The following RBM33 variants were observed in gnomAD, a reference collection of about 807,000 sequenced individuals.
RBM33 encodes the protein RNA-binding protein 33.
In RBM33, 28 loss-of-function variants were observed where a neutral mutation model predicts 132.6. The ratio of observed to expected loss-of-function variants is 0.21; its 90% confidence interval spans 0.16 to 0.29. The LOEUF is 0.29. RBM33 is among the 10% of genes least tolerant of loss of function. The pLI, the probability that RBM33 is intolerant of heterozygous loss-of-function variation, is 1.00. For synonymous variants in RBM33, 634 were observed against 593.0 expected, an observed-to-expected ratio of 1.07 and a Z score of -1.01; for missense variants, 1,291 against 1,518.5, an observed-to-expected ratio of 0.85 and a Z score of 2.49.
At chr7:155,752,554 T>A (rs976259704) in intron 14 of RBM33, among the ~76,000 whole-genome samples, 1 of 148,420 alleles carries the variant, frequency 6.7e-6, no homozygotes, top group South Asian at 2.2e-4. Context: ...CAAATTTTGT[T>A]GAGGTTCTAA....
Position 155,742,091 on chromosome 7 carries a change from A to T in RBM33, c.2322A>T (p.Ala774=), listed in dbSNP as rs766734962. ...ASPVAQPKEE[A]KTETEFPDED... ...CTGTGGCTCAACCTAAAGAAGAGGC[A>T]AAAACAGAAACAGAGGTAGGACACT... is the stretch of plus-strand genomic sequence containing the variant. The change falls in exon 13 of 18, where the codon GCA becomes GCT. Residue 774 remains alanine (A), a synonymous_variant. Coordinates refer to ENST00000401878, the MANE Select transcript of RBM33 (RefSeq NM_053043.3). 1 of 1,612,976 alleles carries T rather than the reference A, an allele frequency of 6.2e-7. No homozygotes were observed. Among genetic ancestry groups the T allele is most frequent in the Non-Finnish European group, 8.5e-7 (1 of 1,179,148 alleles).
chr7:155,653,487 C>A (rs907704696), intron 1 of RBM33, among the ~76,000 whole-genome samples: 1 of 151,634 alleles, frequency 6.6e-6, no homozygotes, highest in Non-Finnish European at 1.5e-5. Context: ...GGGGTGGGGG[C>A]CCTAGATAGC....
At chr7:155,717,613 A>C (rs34052609) in intron 8 of RBM33, among the ~76,000 whole-genome samples, 26,488 of 151,592 alleles carry the variant, frequency 0.17, 2,367 homozygotes, top group East Asian at 0.28. Flanking sequence ...TGTATCTGCC[A>C]GCACATTTTG....
At position 155,718,451 on chromosome 7, in the gene RBM33, G is replaced by A. The variant is rs1417596102; in HGVS notation, c.1260+8G>A. On this transcript the variant is annotated splice_region_variant and intron_variant, in intron 9 of 17. Transcript: ENST00000401878. ...GGACCCCAGAGATTCCCAGTGAGTA[G>A]CAGCTGCTCCTTCTCCTTTGATAGG... 3.1e-6 allele frequency: 5 copies of A among 1,612,570 alleles called. No homozygotes were observed. The highest frequency in any genetic ancestry group is 4.2e-6 in the Non-Finnish European group (5 of 1,178,880).
intron 8 of RBM33, among the ~76,000 whole-genome samples, chr7:155,717,221 A>C (rs1429981082): frequency 6.6e-6 from 1 of 152,202 alleles, no homozygotes; most frequent in East Asian, 1.9e-4. Flanking sequence ...TGAGTTAAAC[A>C]ACAGAAACTT....
chr7:155,680,884 C>G lies in RBM33; in HGVS notation c.543C>G (p.Ile181Met). ...CTGATGAAGTGTTAGACATCGAGATCAATGAACCTTTAGATGAATTTACAG... is the reference window on the plus strand; with the variant it reads ...CTGATGAAGTGTTAGACATCGAGATGAATGAACCTTTAGATGAATTTACAG... ...LYTDEVLDIE[I>M]NEPLDEFTGG... The change falls in exon 5 of 18, where the codon ATC becomes ATG. Residue 181 changes from isoleucine (I) to methionine (M), a missense_variant. Ile to Met is a conservative substitution (Grantham distance 10). Around this residue, in one of 7 missense-constraint regions of RBM33, gnomAD observed 194 missense variants for 249.8 expected, o/e 0.78. Transcript: ENST00000401878. 1 of 1,613,514 alleles carries G rather than the reference C, an allele frequency of 6.2e-7. No homozygotes were observed. The highest frequency in any genetic ancestry group is 8.5e-7 in the Non-Finnish European group (1 of 1,179,648).
chr7:155,758,567 G>A (rs941220178), intron 14 of RBM33, among the ~76,000 whole-genome samples: 8 of 152,176 alleles, frequency 5.3e-5, no homozygotes, highest in African/African-American at 1.7e-4. Context: ...CACCTCCTGC[G>A]GTGCATGCAG....
intron 5 of RBM33, among the ~76,000 whole-genome samples, chr7:155,696,307 G>C (rs887359305): frequency 1.3e-5 from 2 of 152,178 alleles, no homozygotes; most frequent in Non-Finnish European, 2.9e-5. Flanking sequence ...ATAGAGAATG[G>C]ATAGTGTTTT....
At chr7:155,669,317 CAT>C (rs1401466300) in intron 2 of RBM33, among the ~76,000 whole-genome samples, 1 of 152,120 alleles carries the variant, frequency 6.6e-6, no homozygotes, top group African/African-American at 2.4e-5. Flanking sequence ...ATGAATGTCT[CAT>C]GTGTCCAGGC....
chr7:155,658,373 C>CAT lies in RBM33; in HGVS notation c.44-6798_44-6797dup, dbSNP rs200914233. On this transcript the variant is annotated intron_variant, in intron 1 of 17. Transcript: ENST00000401878. ...TCTAAAGTGAGTCTCTAATAGGCAG[C>CAT]ATATAGTTGGATTTTTTTTTTTTTT... Among the ~76,000 whole-genome samples, 301 of 150,240 alleles carry CAT rather than the reference C, an allele frequency of 2.0e-3. 7 individuals carry two copies. In the East Asian group the frequency reaches 0.044, roughly 22 times the overall value.
chr7:155,773,840 G>A (rs1214720137), intron 16 of RBM33, among the ~76,000 whole-genome samples: 1 of 152,180 alleles, frequency 6.6e-6, no homozygotes, highest in Non-Finnish European at 1.5e-5. Context: ...AGGACTAGAT[G>A]TAAGTTTCGC....
intron 16 of RBM33, among the ~76,000 whole-genome samples, chr7:155,773,784 A>AAGAAAGC (rs1402370856): frequency 2.0e-5 from 3 of 152,100 alleles, no homozygotes; most frequent in African/African-American, 7.2e-5. Flanking sequence ...CTAAAGGCTT[A>AAGAAAGC]AGAAAGCAGA....
At chr7:155,704,853 A>G (rs1800070442) in intron 6 of RBM33, among the ~76,000 whole-genome samples, 1 of 152,214 alleles carries the variant, frequency 6.6e-6, no homozygotes, top group South Asian at 2.1e-4. Context: ...CGGTAGTAAC[A>G]AACAATTCAG....
At chr7:155,660,366 G>A (rs931995581) in intron 1 of RBM33, among the ~76,000 whole-genome samples, 1 of 152,142 alleles carries the variant, frequency 6.6e-6, no homozygotes, top group Non-Finnish European at 1.5e-5. Flanking sequence ...CACTATGCTC[G>A]GCCTTGTTTC....
chr7:155,737,794 G>A lies in RBM33; in HGVS notation c.1393+132G>A, dbSNP rs147624001. 4.9e-5 allele frequency: 53 copies of A among 1,078,042 alleles called. No individual in the cohort carries two copies. The African/African-American group carries it at 6.9e-4, about 14-fold the overall frequency. The allele number at this position is 1,078,042 out of a possible 1,614,324, so 66.8% of individuals were successfully genotyped here. On this transcript the variant is annotated intron_variant, in intron 10 of 17. Coordinates refer to ENST00000401878, the MANE Select transcript of RBM33 (RefSeq NM_053043.3). ...AGGAATGCCAGGTTTTTGTACCATA[G>A]CAGTTCTGCCTGTCATTTCAGGTGC...
At chr7:155,733,074 G>C (rs1801004261) in intron 9 of RBM33, among the ~76,000 whole-genome samples, 1 of 152,168 alleles carries the variant, frequency 6.6e-6, no homozygotes, top group South Asian at 2.1e-4. Context: ...TAAAGGTTCT[G>C]TACCAAGGGT....
intron 9 of RBM33, 77 bp downstream of exon 9, chr7:155,718,520 A>G: frequency 8.6e-7 from 1 of 1,157,558 alleles, no homozygotes; most frequent in Non-Finnish European, 1.3e-6. Flanking sequence ...AGCAAGTGCA[A>G]GAGGTTCCAG....
At chr7:155,762,637 C>G (rs1338492808) in intron 14 of RBM33, among the ~76,000 whole-genome samples, 1 of 152,166 alleles carries the variant, frequency 6.6e-6, no homozygotes, top group Non-Finnish European at 1.5e-5. Flanking sequence ...ATCCCATGTT[C>G]CTTCTTTTTG....
At position 155,774,862 on chromosome 7, in the gene RBM33, G is replaced by A; in HGVS notation, c.3465-131G>A. On this transcript the variant is annotated intron_variant, in intron 17 of 17. Coordinates refer to ENST00000401878, the MANE Select transcript of RBM33 (RefSeq NM_053043.3). The surrounding 1 kb of genome is among the most constrained non-coding windows in gnomAD (Gnocchi z 4.2). ...CTTGTGTTTTAATAGATCTTCCCGG[G>A]GAATCTGCCTTTTTATATGATGCGT... The A allele has an allele frequency of 4.7e-6, 4 of 842,748 alleles. No individual in the cohort carries two copies. The South Asian group carries it at 4.8e-5, about 10-fold the overall frequency. The allele number at this position is 842,748 out of a possible 1,614,324, so 52.2% of individuals were successfully genotyped here.
Sources: gnomAD v4.1 joint callset for allele counts (sites outside exome capture counted in the v4.1 genomes callset) on GRCh38, gnomAD v4.1.1 for gene constraint, gnomAD v4.1.1 regional missense constraint, Gnocchi (gnomAD v3.1) non-coding constraint, MANE v1.5 for transcripts, NCBI Gene and HGNC (gene_info 2026-07-23, HGNC 2026-07-21) for gene names.